UNC45A: variants seen among roughly 807,000 people sequenced by gnomAD.
The protein encoded by UNC45A is unc-45 myosin chaperone A.
In UNC45A, 78 loss-of-function variants were observed where a neutral mutation model predicts 103.2. That is an observed-to-expected ratio of 0.76 (90% CI 0.63 to 0.91). The LOEUF is 0.91. Ranked by LOEUF, UNC45A falls within the 40% of genes least tolerant of loss-of-function variation. The pLI is 0.00. For synonymous variants in UNC45A, 495 were observed against 504.6 expected (o/e 0.98, Z 0.25); for missense variants, 1,193 against 1,224.8 (o/e 0.97, Z 0.39).
At chr15:90,939,845 A>G (rs2036200155) in intron 5 of UNC45A, 22 bp downstream of exon 5, 3 of 1,610,650 alleles carry the variant, frequency 1.9e-6, no homozygotes, top group African/African-American at 2.7e-5. Flanking sequence ...GGGCTGAGTC[A>G]GTGAGTGAGC....
rs778893920 is a variant in UNC45A, at chr15:90,944,895, T to C, written c.1031T>C (p.Leu344Pro). 4 of 1,611,902 alleles carry C rather than the reference T, an allele frequency of 2.5e-6. No homozygotes were observed. In the Admixed American group the frequency reaches 6.7e-5, roughly 27 times the overall value. The change falls in exon 9 of 20, where the codon CTG becomes CCG. Residue 344 changes from leucine to proline, a missense_variant. Leu to Pro is a moderately conservative substitution (Grantham distance 98). Transcript: ENST00000418476. ...SLTLWVIDQG[L>P]KKILEVGGSL... ...TCTAAGCGGGGTGTCTTTACAGGTC[T>C]GAAAAAGATTTTGGAAGTGGGGGGC...
In UNC45A at chr15:90,950,170, C is replaced by T; in HGVS notation, c.2090C>T (p.Ala697Val). 6.4e-7 allele frequency: 1 copy of T among 1,551,602 alleles called. No individual in the cohort carries two copies. The highest frequency in any genetic ancestry group is 8.7e-7 in the Non-Finnish European group (1 of 1,147,004). The change falls in exon 16 of 20, where the codon GCC becomes GTC. Residue 697 changes from alanine (A) to valine (V), a missense_variant. By Grantham distance (64) the Ala-to-Val change is moderately conservative. Transcript: ENST00000418476. ...TTCCTACAGGCGCTGATCCCGCTGG[C>T]CCTGGAAGGCACGGACGTGGGGCAG... is the stretch of plus-strand genomic sequence containing the variant. Reference protein sequence around the residue: ...QGGGRALIPLALEGTDVGQTK... With the variant: ...QGGGRALIPLVLEGTDVGQTK...
At chr15:90,947,312 G>C (rs2036626475) in intron 10 of UNC45A, 1 of 256,518 alleles carries the variant, frequency 3.9e-6, no homozygotes, top group Non-Finnish European at 7.7e-6. Flanking sequence ...GGAGCTGGTG[G>C]TTTGGGGGTT....
chr15:90,943,624 G>T (rs995098236), intron 8 of UNC45A, among the ~76,000 whole-genome samples: 1 of 151,832 alleles, frequency 6.6e-6, no homozygotes, highest in Non-Finnish European at 1.5e-5. Flanking sequence ...TATCATATGC[G>T]TGTGCACATA....
upstream of UNC45A, chr15:90,932,341 G>A (rs2151349106): frequency 1.2e-6 from 1 of 845,472 alleles, no homozygotes; most frequent in Non-Finnish European, 1.7e-6. Context: ...CAAAACAGGT[G>A]CTCAATGAGG....
chr15:90,942,403 G>A, intron 6 of UNC45A, 34 bp from the exon 7 acceptor site: 1 of 1,570,678 alleles, frequency 6.4e-7, no homozygotes, highest in Non-Finnish European at 8.6e-7. Flanking sequence ...TTCAACAACT[G>A]GAAGCTTCCT....
intron 6 of UNC45A, among the ~76,000 whole-genome samples, chr15:90,941,699 C>T (rs1474411814): frequency 1.3e-5 from 2 of 151,954 alleles, no homozygotes; most frequent in African/African-American, 4.8e-5. Flanking sequence ...GTGGCTCATG[C>T]CTGTAATCCC....
intron 6 of UNC45A, among the ~76,000 whole-genome samples, chr15:90,941,614 G>T (rs2036290973): frequency 6.6e-6 from 1 of 152,162 alleles, no homozygotes; most frequent in Non-Finnish European, 1.5e-5. Flanking sequence ...AAGCAGTCAG[G>T]ATTTGGGCTC....
chr15:90,942,299 C>CT (rs2036332142), intron 6 of UNC45A, 138 bp from the exon 7 acceptor site: 2 of 973,416 alleles, frequency 2.1e-6, no homozygotes, highest in South Asian at 3.2e-5. Context: ...GCCATCCATT[C>CT]TGTGTTGTTT....
chr15:90,947,542 A>T (rs2036636462), intron 10 of UNC45A: 1 of 523,454 alleles, frequency 1.9e-6, no homozygotes, highest in African/African-American at 1.9e-5. Flanking sequence ...TGGCCTGGGA[A>T]GGGGTGGGGC....
chr15:90,943,426 CAAAAAAAAA>C (rs71154147), intron 8 of UNC45A, among the ~76,000 whole-genome samples: 1 of 74,564 alleles, frequency 1.3e-5, no homozygotes, highest in African/African-American at 4.1e-5. Flanking sequence ...GAGACTGTCT[CAAAAAAAAA>C]AAAAAAAAAA....
chr15:90,948,868 A>G, intron 13 of UNC45A, 74 bp downstream of exon 13: 1 of 1,347,630 alleles, frequency 7.4e-7, no homozygotes. Context: ...ACAGCAGAAC[A>G]ACCTCCCTTT....
upstream of UNC45A, chr15:90,934,895 G>A (rs2035923540): frequency 6.7e-6 from 3 of 444,674 alleles, no homozygotes. Flanking sequence ...GAGCGCAGCA[G>A]CGAGAGCGCG....
intron 7 of UNC45A, 118 bp from the exon 8 acceptor site, chr15:90,942,794 T>G (rs1268097648): frequency 6.7e-7 from 1 of 1,496,248 alleles, no homozygotes; most frequent in East Asian, 2.3e-5. Context: ...GAGCTCAGTC[T>G]GGAGCCTGGG....
rs1233402854 is a variant in UNC45A at position 90,949,520 on chromosome 15, A to G, written c.2006+77A>G. ...CTGCAGATGTGGCTCCAGAGGGTGC[A>G]GGTTCCAGTGCTGTGGGCCTCTTAG... is the stretch of plus-strand genomic sequence containing the variant. On this transcript the variant is annotated intron_variant, in intron 14 of 19. Coordinates refer to ENST00000418476, the MANE Select transcript of UNC45A (RefSeq NM_018671.5). The G allele has an allele frequency of 3.1e-6, 5 of 1,601,582 alleles. No homozygotes were observed. In the South Asian group the frequency reaches 3.3e-5, roughly 11 times the overall value.
Position 90,949,386 on chromosome 15 carries a change from G to T in UNC45A, c.1949G>T (p.Cys650Phe). The T allele has an allele frequency of 1.2e-6, 2 of 1,613,770 alleles. No individual in the cohort carries two copies. The highest frequency in any genetic ancestry group is 1.7e-6 in the Non-Finnish European group (2 of 1,180,028). ...GCGGGTGTGGTGTCGGCCATGGTGT[G>T]CATGGTGAAGACGGAGAGCCCTGTG... is the stretch of plus-strand genomic sequence containing the variant. Reference protein sequence around the residue: ...LAAGVVSAMVCMVKTESPVLT... With the variant: ...LAAGVVSAMVFMVKTESPVLT... Residue 650 changes from cysteine (C) to phenylalanine (F), a missense_variant, in exon 14 of 20, where the codon TGC becomes TTC. Transcript: ENST00000418476.
intron 17 of UNC45A, among the ~76,000 whole-genome samples, chr15:90,951,446 A>T (rs1183294432): frequency 6.6e-6 from 1 of 152,178 alleles, no homozygotes; most frequent in Non-Finnish European, 1.5e-5. Flanking sequence ...AAGTAAGATG[A>T]TCCAGGTGCC....
At chr15:90,932,718 A>G (rs2035849652), upstream of UNC45A, 3 of 400,660 alleles carry the variant, frequency 7.5e-6, no homozygotes, top group Non-Finnish European at 1.3e-5. Flanking sequence ...TGATGTGGAC[A>G]GCTGCCTTCA....
intron 9 of UNC45A, 101 bp from the exon 10 acceptor site, chr15:90,946,513 G>A: frequency 7.4e-7 from 1 of 1,354,348 alleles, no homozygotes; most frequent in Non-Finnish European, 9.8e-7. Context: ...TGCTGTTTCT[G>A]CCCAAGTAGT....
Sources: allele counts gnomAD v4.1 joint callset (sites outside exome capture counted in the v4.1 genomes callset), GRCh38; gene constraint gnomAD v4.1.1; transcripts MANE v1.5; gene names NCBI Gene and HGNC (gene_info 2026-07-23, HGNC 2026-07-21).